The following LMBR1 variants were observed in gnomAD, a reference collection of about 807,000 sequenced individuals.
The protein encoded by LMBR1 is limb region 1 protein homolog.
In LMBR1, 52 loss-of-function variants were observed where a neutral mutation model predicts 73.9. The observed-to-expected ratio is 0.70, with a 90% CI of 0.56 to 0.89. The LOEUF (loss-of-function observed/expected upper bound fraction) is 0.89. Ranked by LOEUF, LMBR1 falls within the 40% of genes least tolerant of loss-of-function variation. LMBR1 has a pLI of 0.00. For missense variants in LMBR1, 539 were observed against 579.8 expected, an observed-to-expected ratio of 0.93 and a Z score of 0.72; for synonymous variants, 215 against 209.4, an observed-to-expected ratio of 1.03 and a Z score of -0.23.
intron 1 of LMBR1, among the ~76,000 whole-genome samples, chr7:156,867,306 T>C (rs953193447): frequency 2.0e-5 from 3 of 152,208 alleles, no homozygotes; most frequent in Non-Finnish European, 4.4e-5. Flanking sequence ...TTCTCAAACA[T>C]TGGTGGTAGA....
chr7:156,873,492 C>T (rs990871943), intron 1 of LMBR1, among the ~76,000 whole-genome samples: 3 of 152,176 alleles, frequency 2.0e-5, no homozygotes, highest in Non-Finnish European at 4.4e-5. Flanking sequence ...CTGGCTCGGG[C>T]AGCCTGCTTT....
At chr7:156,673,631 C>A (rs545008620), downstream of LMBR1, among the ~76,000 whole-genome samples, 3 of 152,148 alleles carry the variant, frequency 2.0e-5, no homozygotes, top group African/African-American at 7.2e-5. Flanking sequence ...TCAGCCACCC[C>A]CTTCATTCAA....
At chr7:156,776,557 T>A (rs1043588576) in intron 5 of LMBR1, among the ~76,000 whole-genome samples, 3 of 152,112 alleles carry the variant, frequency 2.0e-5, no homozygotes, top group African/African-American at 7.2e-5. Flanking sequence ...TAGTCCACAA[T>A]TTCCTGTCTT....
chr7:156,674,770 A>G (rs1190250669), downstream of LMBR1, among the ~76,000 whole-genome samples: 1 of 152,252 alleles, frequency 6.6e-6, no homozygotes. Context: ...GTCAGATACA[A>G]TATTAAAATT....
chr7:156,790,761 T>G (rs1296008749), intron 5 of LMBR1, among the ~76,000 whole-genome samples: 1 of 150,990 alleles, frequency 6.6e-6, no homozygotes, highest in Middle Eastern at 3.2e-3. Context: ...CAATTCAAAA[T>G]TTTTATAACC....
intron 1 of LMBR1, chr7:156,892,673 G>C (rs1256337820): frequency 3.1e-6 from 1 of 323,310 alleles, no homozygotes; most frequent in Non-Finnish European, 5.6e-6. Flanking sequence ...GGGAGCGCGA[G>C]GGGGCAGGGG....
chr7:156,743,640 G>A lies in LMBR1; in HGVS notation c.758-9383C>T, dbSNP rs1819309689. ...TCTGTAATTTCTGCTCATTATATTT[G>A]TTCTTTATTTCTTCATTTTCTTCTT... On this transcript the variant is annotated intron_variant, in intron 9 of 16. Transcript: ENST00000353442. 2.0e-5 allele frequency among the ~76,000 whole-genome samples: 3 copies of A among 152,152 alleles called. No homozygotes were observed. The South Asian group carries it at 6.2e-4, about 32-fold the overall frequency.
At chr7:156,741,310 A>C (rs1286051973) in intron 9 of LMBR1, among the ~76,000 whole-genome samples, 1 of 152,196 alleles carries the variant, frequency 6.6e-6, no homozygotes, top group East Asian at 1.9e-4. Context: ...CTTATCAATA[A>C]TAACACTGAT....
chr7:156,814,111 G>A (rs1050248452), intron 4 of LMBR1, among the ~76,000 whole-genome samples: 1 of 152,038 alleles, frequency 6.6e-6, no homozygotes, highest in Non-Finnish European at 1.5e-5. Flanking sequence ...CCCATAAACT[G>A]AACTTTTTCT....
chr7:156,793,010 G>C (rs767893029), intron 5 of LMBR1, among the ~76,000 whole-genome samples: 1 of 152,052 alleles, frequency 6.6e-6, no homozygotes, highest in Non-Finnish European at 1.5e-5. Context: ...AATGTTTCTA[G>C]CCTCTCTTCA....
intron 1 of LMBR1, 84 bp downstream of exon 1, chr7:156,892,843 GT>G: frequency 3.2e-6 from 3 of 941,948 alleles, no homozygotes; most frequent in East Asian, 3.9e-5. Context: ...GAGGTGAGGG[GT>G]CCGGGGACCG....
chr7:156,691,995 T>G (rs1585207274), intron 15 of LMBR1, among the ~76,000 whole-genome samples: 1 of 152,340 alleles, frequency 6.6e-6, no homozygotes. Context: ...GTTTTATTCA[T>G]TCAAAAACAA....
intron 5 of LMBR1, among the ~76,000 whole-genome samples, chr7:156,771,627 T>A (rs777394615): frequency 6.6e-6 from 1 of 152,128 alleles, no homozygotes; most frequent in African/African-American, 2.4e-5. Flanking sequence ...CAGGATCAGA[T>A]AAATTCATGA....
chr7:156,696,658 CACA>C (rs1234281787), intron 15 of LMBR1, among the ~76,000 whole-genome samples: 1 of 152,178 alleles, frequency 6.6e-6, no homozygotes, highest in Non-Finnish European at 1.5e-5. Flanking sequence ...TATTCACCAT[CACA>C]ACAACAGCAT....
At chr7:156,694,990 C>T (rs1236000910) in intron 15 of LMBR1, among the ~76,000 whole-genome samples, 1 of 152,170 alleles carries the variant, frequency 6.6e-6, no homozygotes, top group Non-Finnish European at 1.5e-5. Flanking sequence ...TCCTTTCCAA[C>T]ATGTTTTATA....
chr7:156,758,029 A>G (rs1455500582), intron 8 of LMBR1, among the ~76,000 whole-genome samples: 1 of 152,266 alleles, frequency 6.6e-6, no homozygotes, highest in Non-Finnish European at 1.5e-5. Context: ...AGAAAGGAAT[A>G]GGAAGAAAAG....
At chr7:156,696,411 A>G (rs562219115) in intron 15 of LMBR1, among the ~76,000 whole-genome samples, 1 of 152,324 alleles carries the variant, frequency 6.6e-6, no homozygotes, top group African/African-American at 2.4e-5. Flanking sequence ...ATCTTAATAG[A>G]CATTTTGCCA....
chr7:156,814,625 C>G (rs1393981513), intron 4 of LMBR1, among the ~76,000 whole-genome samples: 1 of 152,166 alleles, frequency 6.6e-6, no homozygotes, highest in Non-Finnish European at 1.5e-5. Context: ...ATTTTTAAAA[C>G]CTCACCAGTT....
chr7:156,762,846 A>AGTGTGTTTGTGTGTGTGT (rs1554505711), intron 7 of LMBR1, among the ~76,000 whole-genome samples: 77 of 148,628 alleles, frequency 5.2e-4, no homozygotes, highest in African/African-American at 1.5e-3. Flanking sequence ...TGTGAGTGTG[A>AGTGTGTTTGTGTGTGTGT]GTGTGTGTGT....
Sources: allele counts gnomAD v4.1 joint callset (sites outside exome capture counted in the v4.1 genomes callset), GRCh38; gene constraint gnomAD v4.1.1; transcripts MANE v1.5; gene names NCBI Gene and HGNC (gene_info 2026-07-23, HGNC 2026-07-21).